The following OR14I1 variants were observed in gnomAD, a reference collection of about 807,000 sequenced individuals.
OR14I1 encodes the protein olfactory receptor 14I1.
For synonymous variants in OR14I1, 118 were observed against 71.1 expected, an observed-to-expected ratio of 1.66 and a Z score of -3.32; for missense variants, 279 against 181.8, an observed-to-expected ratio of 1.53 and a Z score of -3.07.
chr1:248,686,653 GTCT>G (rs2103135932), upstream of OR14I1, among the ~76,000 whole-genome samples: 1 of 149,060 alleles, frequency 6.7e-6, no homozygotes, highest in African/African-American at 2.4e-5. Context: ...AAGCAAACAT[GTCT>G]TGATTTTTTT....
At chr1:248,679,768 T>A (rs60046092), downstream of OR14I1, among the ~76,000 whole-genome samples, 20,944 of 152,136 alleles carry the variant, frequency 0.14, 1,494 homozygotes, top group African/African-American at 0.17. Flanking sequence ...TCCTGGGCCA[T>A]TGGCTTCTCT....
chr1:248,688,017 A>G, the OR14I1 span, among the ~76,000 whole-genome samples: 1 of 152,378 alleles, frequency 6.6e-6, no homozygotes, highest in Middle Eastern at 3.4e-3. Flanking sequence ...AATATTTGTG[A>G]AAAAGATCAT....
chr1:248,690,253 A>G, the OR14I1 span, among the ~76,000 whole-genome samples: 1 of 152,108 alleles, frequency 6.6e-6, no homozygotes, highest in Admixed American at 6.5e-5. Context: ...GAAATAGAGA[A>G]ACAAAGAAGC....
At chr1:248,683,246 C>T (rs1050465540), upstream of OR14I1, among the ~76,000 whole-genome samples, 1 of 152,138 alleles carries the variant, frequency 6.6e-6, no homozygotes, top group Non-Finnish European at 1.5e-5. Flanking sequence ...CTAACATAAG[C>T]TCACAAAAAT....
At chr1:248,678,421 T>C (rs190401980), downstream of OR14I1, among the ~76,000 whole-genome samples, 310 of 152,306 alleles carry the variant, frequency 2.0e-3, 3 homozygotes, top group African/African-American at 7.0e-3. Flanking sequence ...ATGTGCAATG[T>C]TTTCTCTGGC....
At chr1:248,679,664 G>T (rs1661526667), downstream of OR14I1, among the ~76,000 whole-genome samples, 1 of 152,090 alleles carries the variant, frequency 6.6e-6, no homozygotes, top group Non-Finnish European at 1.5e-5. Flanking sequence ...GGTGGGACAG[G>T]TGTCATTTGA....
exon 1 of OR14I1, chr1:248,681,615 C>A: frequency 2.6e-6 from 2 of 781,050 alleles, no homozygotes; most frequent in Non-Finnish European, 4.8e-6. Flanking sequence ...TTGCTCGACT[C>A]TGTCCTGAAG....
the OR14I1 span, among the ~76,000 whole-genome samples, chr1:248,698,653 A>G: frequency 3.2e-3 from 480 of 152,342 alleles, 4 homozygotes; most frequent in African/African-American, 0.011. Context: ...ATTGACATAG[A>G]TTTTGAGAAG....
At chr1:248,702,536 A>G in the OR14I1 span, among the ~76,000 whole-genome samples, 1 of 151,750 alleles carries the variant, frequency 6.6e-6, no homozygotes, top group Non-Finnish European at 1.5e-5. Flanking sequence ...TGCCTTTCCC[A>G]CTGCCACCAC....
At chr1:248,684,573 C>A (rs1474533018), upstream of OR14I1, among the ~76,000 whole-genome samples, 1 of 152,142 alleles carries the variant, frequency 6.6e-6, no homozygotes. Context: ...ATAACATACC[C>A]TACTTTATCC....
chr1:248,690,094 T>C, the OR14I1 span, among the ~76,000 whole-genome samples: 1 of 152,168 alleles, frequency 6.6e-6, no homozygotes, highest in African/African-American at 2.4e-5. Context: ...AGAGGGAAAT[T>C]TATAGCATTA....
chr1:248,696,158 G>A, the OR14I1 span, among the ~76,000 whole-genome samples: 1 of 152,178 alleles, frequency 6.6e-6, no homozygotes, highest in East Asian at 1.9e-4. Flanking sequence ...ACAGGATCTG[G>A]GTGGGCATGT....
chr1:248,680,004 G>GA (rs1315226106), downstream of OR14I1, among the ~76,000 whole-genome samples: 1 of 151,962 alleles, frequency 6.6e-6, no homozygotes, highest in Non-Finnish European at 1.5e-5. Context: ...TCAAGAACAG[G>GA]AAAAAACACA....
downstream of OR14I1, among the ~76,000 whole-genome samples, chr1:248,678,326 T>A (rs1384360289): frequency 6.6e-6 from 1 of 152,194 alleles, no homozygotes. Flanking sequence ...TATACTTTTA[T>A]TTCAAAGACT....
upstream of OR14I1, among the ~76,000 whole-genome samples, chr1:248,685,063 T>A (rs1390513711): frequency 6.6e-6 from 1 of 151,972 alleles, no homozygotes; most frequent in East Asian, 1.9e-4. Context: ...AATACTTTTG[T>A]GTGTTATAAA....
At chr1:248,681,959 T>G (rs1212305902) in exon 1 of OR14I1, 2 of 780,856 alleles carry the variant, frequency 2.6e-6, no homozygotes, top group South Asian at 2.7e-5. Context: ...TCATAAGACA[T>G]GACAGTAAGG....
At chr1:248,693,864 C>T in the OR14I1 span, among the ~76,000 whole-genome samples, 1 of 149,624 alleles carries the variant, frequency 6.7e-6, no homozygotes, top group East Asian at 2.0e-4. Flanking sequence ...CTGGTATGCT[C>T]TGCATTTTAA....
At chr1:248,690,754 C>A in the OR14I1 span, among the ~76,000 whole-genome samples, 1 of 150,686 alleles carries the variant, frequency 6.6e-6, no homozygotes, top group Admixed American at 6.6e-5. Context: ...ACCCTGATAC[C>A]ATAACCTGGC....
chr1:248,700,371 T>C, the OR14I1 span, among the ~76,000 whole-genome samples: 15 of 152,222 alleles, frequency 9.9e-5, no homozygotes, highest in Admixed American at 2.6e-4. Context: ...CAAATGTCAA[T>C]TGATATAAAG....
Sources: allele counts gnomAD v4.1 joint callset (sites outside exome capture counted in the v4.1 genomes callset), GRCh38; gene constraint gnomAD v4.1.1; transcripts MANE v1.5; gene names NCBI Gene and HGNC (gene_info 2026-07-23, HGNC 2026-07-21).